The following XRCC4 variants were observed in gnomAD, a reference collection of about 807,000 sequenced individuals.
XRCC4 encodes DNA repair protein XRCC4.
XRCC4 carries 28 observed loss-of-function variants against 39.1 expected under a neutral mutation model. That is an observed-to-expected ratio of 0.72 (90% CI 0.53 to 0.98). The LOEUF is 0.98. Among genes scored for constraint, XRCC4 ranks in the 50% least tolerant of loss-of-function variants. The pLI is 0.00. For missense variants in XRCC4, 350 were observed against 376.4 expected (o/e 0.93, Z 0.58); for synonymous variants, 123 against 126.4 (o/e 0.97, Z 0.18).
In XRCC4 at chr5:83,168,962, G is replaced by A. The variant is rs140658910; in HGVS notation, c.316-26808G>A. Reference sequence around the variant, plus strand: ...AGAGAATCCCCGGAATGATGCTGATGGGAGCTCCTAGATGACCAAAATACA... The same window carrying A: ...AGAGAATCCCCGGAATGATGCTGATAGGAGCTCCTAGATGACCAAAATACA... On this transcript the variant is annotated intron_variant, in intron 3 of 7. Transcript: ENST00000396027. 3.5e-4 allele frequency among the ~76,000 whole-genome samples: 53 copies of A among 152,256 alleles called. 1 individual carries two copies. The East Asian group carries it at 9.8e-3, about 28-fold the overall frequency.
chr5:83,316,034 T>G (rs1561471318), intron 7 of XRCC4, among the ~76,000 whole-genome samples: 1 of 151,884 alleles, frequency 6.6e-6, no homozygotes, highest in Admixed American at 6.6e-5. Flanking sequence ...AGAACATTCA[T>G]GATTCATGGG....
At chr5:83,357,611 G>C (rs1266415222), downstream of XRCC4, among the ~76,000 whole-genome samples, 2 of 152,162 alleles carry the variant, frequency 1.3e-5, no homozygotes, top group East Asian at 3.8e-4. Flanking sequence ...AGGTATTCCA[G>C]AAGCAATGTT....
Position 83,138,190 on chromosome 5 carries a change from C to G in XRCC4, c.315+26987C>G, listed in dbSNP as rs554760834. 3.9e-5 allele frequency among the ~76,000 whole-genome samples: 6 copies of G among 152,224 alleles called. No homozygotes were observed. The South Asian group carries it at 1.0e-3, about 26-fold the overall frequency. On this transcript the variant is annotated intron_variant, in intron 3 of 7. Coordinates refer to ENST00000396027, the MANE Select transcript of XRCC4 (RefSeq NM_003401.5). ...CTCAAACATATGCTTCTGATGTTAT[C>G]TCTAAATGATTTTATACACATAGTC...
At chr5:83,316,014 G>A (rs150702533) in intron 7 of XRCC4, among the ~76,000 whole-genome samples, 284 of 152,212 alleles carry the variant, frequency 1.9e-3, no homozygotes, top group African/African-American at 6.5e-3. Context: ...CACTGTTCTA[G>A]ATGCCATTAA....
intron 7 of XRCC4, among the ~76,000 whole-genome samples, chr5:83,272,691 T>C (rs1039945429): frequency 6.6e-6 from 1 of 152,168 alleles, no homozygotes; most frequent in Non-Finnish European, 1.5e-5. Context: ...TGGTTTTCTG[T>C]TCCTGTTAGT....
chr5:83,168,032 A>G (rs1749561787), intron 3 of XRCC4, among the ~76,000 whole-genome samples: 2 of 152,190 alleles, frequency 1.3e-5, no homozygotes. Flanking sequence ...AAACGCAGAA[A>G]ATAGGAAAAC....
the XRCC4 span, among the ~76,000 whole-genome samples, chr5:83,361,007 A>G: frequency 1.3e-5 from 2 of 152,302 alleles, no homozygotes; most frequent in Admixed American, 1.3e-4. Flanking sequence ...AATAAAATAA[A>G]TAGGAATTAG....
the XRCC4 span, among the ~76,000 whole-genome samples, chr5:83,363,229 AGGAGGCTTAGGTACTCT>A: frequency 0.032 from 4,863 of 152,270 alleles, 140 homozygotes; most frequent in East Asian, 0.12. Context: ...AGGGTTTTCC[AGGAGGCTTAGGTACTCT>A]CAGCCACTTG....
chr5:83,305,135 A>G (rs1485139185), intron 7 of XRCC4, among the ~76,000 whole-genome samples: 7 of 152,108 alleles, frequency 4.6e-5, no homozygotes, highest in Admixed American at 4.6e-4. Context: ...TTTTAGATTT[A>G]CAAAAAAGTT....
chr5:83,225,176 C>T (rs1023819441), intron 6 of XRCC4, among the ~76,000 whole-genome samples: 10 of 152,028 alleles, frequency 6.6e-5, no homozygotes, highest in Admixed American at 2.6e-4. Context: ...AAACTGTTAT[C>T]GCTGTTTTTG....
chr5:83,110,516 A>T lies in XRCC4; in HGVS notation c.140-512A>T, dbSNP rs1746392222. Among the ~76,000 whole-genome samples the T allele has an allele frequency of 2.0e-5, 3 of 151,930 alleles. No individual in the cohort carries two copies. In the South Asian group the frequency reaches 6.2e-4, roughly 31 times the overall value. On this transcript the variant is annotated intron_variant, in intron 2 of 7. Coordinates refer to ENST00000396027, the MANE Select transcript of XRCC4 (RefSeq NM_003401.5). Reference sequence around the variant, plus strand: ...GCTCGTACATTTTAGTTTCCTTCCTATTATTTCCTTATCATCTCCTTTCAT... The same window carrying T: ...GCTCGTACATTTTAGTTTCCTTCCTTTTATTTCCTTATCATCTCCTTTCAT...
At chr5:83,373,540 G>A in the XRCC4 span, among the ~76,000 whole-genome samples, 3 of 152,268 alleles carry the variant, frequency 2.0e-5, 1 homozygote, top group East Asian at 5.8e-4. Context: ...ACTTTCTAAA[G>A]TGAGACAGCA....
At chr5:83,094,950 T>C (rs369222904) in intron 1 of XRCC4, among the ~76,000 whole-genome samples, 23 of 152,220 alleles carry the variant, frequency 1.5e-4, no homozygotes, top group African/African-American at 5.3e-4. Context: ...GTTGGAGTTT[T>C]ATTCATTTCT....
chr5:83,103,009 G>GTATATATATATATAT (rs142149797), intron 1 of XRCC4, among the ~76,000 whole-genome samples: 1 of 106,464 alleles, frequency 9.4e-6, no homozygotes, highest in African/African-American at 3.9e-5. Flanking sequence ...AGATAGAGCT[G>GTATATATATATATAT]ATATATATAT....
intron 3 of XRCC4, among the ~76,000 whole-genome samples, chr5:83,157,115 A>G (rs1340092268): frequency 6.6e-6 from 1 of 152,148 alleles, no homozygotes; most frequent in African/African-American, 2.4e-5. Context: ...TGCATAATTA[A>G]AAAAGGGAAC....
intron 7 of XRCC4, among the ~76,000 whole-genome samples, chr5:83,351,677 C>G (rs1379542854): frequency 1.3e-5 from 2 of 152,112 alleles, no homozygotes; most frequent in African/African-American, 4.8e-5. Flanking sequence ...TACTTGTCAT[C>G]TTGAATGCAT....
chr5:83,306,661 T>C (rs1442946627), intron 7 of XRCC4, among the ~76,000 whole-genome samples: 1 of 152,162 alleles, frequency 6.6e-6, no homozygotes, highest in Admixed American at 6.5e-5. Context: ...AATTAAGCAA[T>C]ACATAGCATT....
intron 3 of XRCC4, among the ~76,000 whole-genome samples, chr5:83,120,384 T>C (rs1039120302): frequency 6.6e-6 from 1 of 152,196 alleles, no homozygotes; most frequent in Admixed American, 6.5e-5. Flanking sequence ...TCAGTATTCA[T>C]AAAAGCACTT....
At chr5:83,263,157 C>G (rs1287582379) in intron 7 of XRCC4, among the ~76,000 whole-genome samples, 1 of 149,874 alleles carries the variant, frequency 6.7e-6, no homozygotes, top group Admixed American at 6.6e-5. Context: ...ATCCATGTCC[C>G]TACAAAGGAC....
Sources: allele counts gnomAD v4.1 joint callset (sites outside exome capture counted in the v4.1 genomes callset), GRCh38; gene constraint gnomAD v4.1.1; transcripts MANE v1.5; gene names NCBI Gene and HGNC (gene_info 2026-07-23, HGNC 2026-07-21).